HSPBAP1: variants seen among roughly 807,000 people sequenced by gnomAD.
HSPBAP1 encodes HSPB1-associated protein 1.
A neutral mutation model predicts 45.2 loss-of-function variants in HSPBAP1; 27 were observed. The ratio of observed to expected loss-of-function variants is 0.60; its 90% CI spans 0.44 to 0.82. HSPBAP1 has a LOEUF of 0.82. HSPBAP1 is among the 40% of genes least tolerant of loss of function. The pLI is 0.00. For missense variants in HSPBAP1, 510 were observed against 590.9 expected, an observed-to-expected ratio of 0.86 and a Z score of 1.42; for synonymous variants, 204 against 202.7, an observed-to-expected ratio of 1.01 and a Z score of -0.06.
chr3:122,745,533 C>T (rs1223546493), intron 6 of HSPBAP1, among the ~76,000 whole-genome samples: 1 of 152,146 alleles, frequency 6.6e-6, no homozygotes, highest in Non-Finnish European at 1.5e-5. Flanking sequence ...AAGTTTCATG[C>T]AATTCTGAGT....
At chr3:122,775,464 TATA>T (rs1420066899) in intron 2 of HSPBAP1, among the ~76,000 whole-genome samples, 1 of 152,170 alleles carries the variant, frequency 6.6e-6, no homozygotes, top group African/African-American at 2.4e-5. Flanking sequence ...CTAGAATAGT[TATA>T]ATTTTTTTTT....
At chr3:122,753,730 T>G (rs982842070) in intron 5 of HSPBAP1, 1 of 984,798 alleles carries the variant, frequency 1.0e-6, no homozygotes, top group Non-Finnish European at 1.2e-6. Context: ...TCAGGAAAAC[T>G]GGAAACTATA....
intron 2 of HSPBAP1, among the ~76,000 whole-genome samples, chr3:122,777,246 A>C (rs1293046677): frequency 1.3e-5 from 2 of 152,184 alleles, no homozygotes; most frequent in African/African-American, 4.8e-5. Flanking sequence ...TCAGTCAATA[A>C]AGCAGAGGGA....
chr3:122,754,442 G>T, intron 5 of HSPBAP1: 1 of 672,480 alleles, frequency 1.5e-6, no homozygotes, highest in Non-Finnish European at 1.8e-6. Flanking sequence ...CAAATCTAGA[G>T]ATAGAAAAAG....
chr3:122,761,183 A>C (rs1473406734), intron 3 of HSPBAP1, among the ~76,000 whole-genome samples: 1 of 152,214 alleles, frequency 6.6e-6, no homozygotes, highest in Admixed American at 6.5e-5. Context: ...AAAGGAAAAA[A>C]GAGAGACTTG....
chr3:122,769,267 G>A (rs1283319818), intron 2 of HSPBAP1, among the ~76,000 whole-genome samples: 1 of 152,182 alleles, frequency 6.6e-6, no homozygotes, highest in Middle Eastern at 3.2e-3. Flanking sequence ...TACCCTATGA[G>A]TAGATTTAAT....
chr3:122,741,280 A>C (rs1933660367), intron 6 of HSPBAP1, 167 bp from the exon 7 acceptor site: 1 of 602,004 alleles, frequency 1.7e-6, no homozygotes, highest in African/African-American at 1.9e-5. Flanking sequence ...ATTTACTATC[A>C]CCTGCCATCT....
intron 2 of HSPBAP1, 82 bp from the exon 3 acceptor site, chr3:122,768,964 T>A: frequency 9.6e-7 from 1 of 1,040,412 alleles, no homozygotes. Flanking sequence ...TAAAGATAAT[T>A]TCAACCAAAA....
At chr3:122,780,727 T>A (rs1576272419) in intron 1 of HSPBAP1, among the ~76,000 whole-genome samples, 1 of 144,602 alleles carries the variant, frequency 6.9e-6, no homozygotes, top group African/African-American at 2.6e-5. Flanking sequence ...ACGGGGTGGC[T>A]GCCGGGCGGA....
intron 6 of HSPBAP1, among the ~76,000 whole-genome samples, chr3:122,751,468 G>GA (rs1186607182): frequency 2.0e-5 from 3 of 152,106 alleles, no homozygotes; most frequent in Non-Finnish European, 4.4e-5. Flanking sequence ...CTGGAAAAAG[G>GA]AAAAAATCAC....
intron 5 of HSPBAP1, chr3:122,754,717 T>G: frequency 1.0e-6 from 1 of 985,478 alleles, no homozygotes; most frequent in Non-Finnish European, 1.2e-6. Context: ...AAGGAAATTT[T>G]CCTCACTGGG....
In HSPBAP1 at chr3:122,767,781, G is replaced by A. The variant is rs369342781; in HGVS notation, c.432+920C>T. On this transcript the variant is annotated intron_variant, in intron 3 of 7. Coordinates refer to ENST00000306103, the MANE Select transcript of HSPBAP1 (RefSeq NM_024610.6). The stretch of plus-strand genomic sequence containing the variant: ...TAAAAAAGAAAAATATACACTGAAT[G>A]GAAAATTACTGAGGAGCCAAAGAAC... Among the ~76,000 whole-genome samples, 6 of 152,188 alleles carry A rather than the reference G, an allele frequency of 3.9e-5. No individual in the cohort carries two copies. The East Asian group carries it at 9.7e-4, about 25-fold the overall frequency.
intron 3 of HSPBAP1, among the ~76,000 whole-genome samples, chr3:122,767,487 GGCAGAGGTT>G (rs143580888): frequency 0.032 from 4,909 of 152,220 alleles, 109 homozygotes; most frequent in Middle Eastern, 0.072. Flanking sequence ...CCTGGGAGGA[GGCAGAGGTT>G]GCAGGGAGTC....
At chr3:122,764,995 C>T (rs2107519225) in intron 3 of HSPBAP1, among the ~76,000 whole-genome samples, 1 of 152,246 alleles carries the variant, frequency 6.6e-6, no homozygotes, top group South Asian at 2.1e-4. Flanking sequence ...ATGTCTTGGA[C>T]TTTAAAACAT....
At chr3:122,766,433 T>C (rs1934783249) in intron 3 of HSPBAP1, among the ~76,000 whole-genome samples, 1 of 152,216 alleles carries the variant, frequency 6.6e-6, no homozygotes, top group African/African-American at 2.4e-5. Context: ...TGGTTATTCA[T>C]AGCAGAATTA....
intron 1 of HSPBAP1, among the ~76,000 whole-genome samples, 187 bp downstream of exon 1, chr3:122,793,430 C>A (rs554366798): frequency 5.9e-5 from 9 of 152,330 alleles, no homozygotes; most frequent in East Asian, 5.8e-4. Context: ...CTACGACGAT[C>A]AAAAATCTGG....
intron 6 of HSPBAP1, among the ~76,000 whole-genome samples, chr3:122,749,506 TAC>T (rs1934048764): frequency 6.6e-6 from 1 of 152,194 alleles, no homozygotes. Context: ...TAGTGATAGA[TAC>T]AGTCTAATAA....
At chr3:122,754,878 G>T (rs907566438) in intron 5 of HSPBAP1, 156 of 993,164 alleles carry the variant, frequency 1.6e-4, no homozygotes, top group Non-Finnish European at 1.9e-4. Flanking sequence ...TATGTGTCTG[G>T]GTTCAGTGCT....
chr3:122,763,433 A>G (rs1020696203), intron 3 of HSPBAP1, among the ~76,000 whole-genome samples: 37 of 151,042 alleles, frequency 2.4e-4, no homozygotes, highest in Non-Finnish European at 1.8e-4. Flanking sequence ...TTTATTACAT[A>G]TCAGTTATAC....
Sources: allele counts gnomAD v4.1 joint callset (sites outside exome capture counted in the v4.1 genomes callset), GRCh38; gene constraint gnomAD v4.1.1; transcripts MANE v1.5; gene names NCBI Gene and HGNC (gene_info 2026-07-23, HGNC 2026-07-21).